The following CPD variants were observed in gnomAD, a reference collection of about 807,000 sequenced individuals.
CPD encodes metallocarboxypeptidase D.
In CPD, 69 loss-of-function variants were observed where a neutral mutation model predicts 138.3. The observed-to-expected ratio is 0.50, with a 90% CI of 0.41 to 0.61. The LOEUF (loss-of-function observed/expected upper bound fraction) is 0.61, where lower values mean the gene tolerates loss of function less well. Ranked by LOEUF, CPD falls within the 20% of genes least tolerant of loss-of-function variation. CPD has a pLI of 0.00. For synonymous variants in CPD, 651 were observed against 642.1 expected (o/e 1.01, Z -0.21); for missense variants, 1,432 against 1,733.3 (o/e 0.83, Z 3.09).
chr17:30,379,114 G>T lies in CPD; in HGVS notation c.134G>T (p.Ser45Ile), dbSNP rs1326661858. The T allele has an allele frequency of 6.5e-7, 1 of 1,544,904 alleles. No homozygotes were observed. Among genetic ancestry groups the T allele is most frequent in the Non-Finnish European group, 8.7e-7 (1 of 1,150,082 alleles). ...KKAEATTTTT[S>I]AGAEAAEGQF... ...GCGGAGGCGACTACCACAACTACGA[G>T]CGCGGGCGCCGAGGCGGCCGAGGGC... The change falls in exon 1 of 21, where the codon AGC (serine) becomes ATC (isoleucine). Residue 45 changes from serine (S) to isoleucine (I), a missense_variant. This residue lies in a region of CPD where 484 missense variants were observed against 477.2 expected (regional missense o/e 1.01). Transcript: ENST00000225719. The surrounding 1 kb of genome is among the most constrained non-coding windows in gnomAD (Gnocchi z 7.0).
chr17:30,455,287 C>A, intron 14 of CPD, 52 bp from the exon 15 acceptor site: 1 of 1,414,174 alleles, frequency 7.1e-7, no homozygotes, highest in Non-Finnish European at 9.7e-7. Flanking sequence ...CTTAGATACT[C>A]ATACTAAGAT....
chr17:30,424,285 C>T (rs892202817), intron 6 of CPD, among the ~76,000 whole-genome samples: 1 of 152,194 alleles, frequency 6.6e-6, no homozygotes, highest in Non-Finnish European at 1.5e-5. Context: ...ATGAAGCCTC[C>T]AGGTAGCAGG....
Position 30,380,415 on chromosome 17 carries a change from G to C in CPD, c.746+689G>C, listed in dbSNP as rs938499001. On this transcript the variant is annotated intron_variant, in intron 1 of 20. Coordinates refer to ENST00000225719, the MANE Select transcript of CPD (RefSeq NM_001304.5). ...CTCAGCTTAAGAAGATATGGACTTA[G>C]CTGGAGAACTTGCACAGATCTGTGA... 7 of 1,133,628 alleles carry C rather than the reference G, an allele frequency of 6.2e-6. No individual in the cohort carries two copies. In the African/African-American group the frequency reaches 1.1e-4, roughly 18 times the overall value. 70.2% of individuals were successfully genotyped at this position (1,133,628 alleles called of 1,614,324 possible).
At position 30,456,504 on chromosome 17, in the gene CPD, A is replaced by G. The variant is rs1433383013; in HGVS notation, c.3476A>G (p.His1159Arg). ...PGGVMRGAEW[H>R]SHLGSMKDYS... is the part of the protein sequence containing the mutation. The stretch of plus-strand genomic sequence containing the variant: ...GGAGTAATGCGTGGAGCAGAATGGC[A>G]TAGTCACCTGGGCAGCATGAAGGTA... Residue 1159 changes from histidine to arginine, a missense_variant, in exon 17 of 21, where the codon CAT becomes CGT. Physicochemically the swap from His to Arg is conservative, Grantham distance 29. Transcript: ENST00000225719. 6.2e-7 allele frequency: 1 copy of G among 1,614,140 alleles called. No individual in the cohort carries two copies. Among genetic ancestry groups the G allele is most frequent in the Non-Finnish European group, 8.5e-7 (1 of 1,179,982 alleles).
At chr17:30,457,610 A>G (rs1291281185) in intron 17 of CPD, among the ~76,000 whole-genome samples, 3 of 151,364 alleles carry the variant, frequency 2.0e-5, no homozygotes, top group South Asian at 4.1e-4. Context: ...CTTACCAGCA[A>G]TGTTTGAGGT....
chr17:30,463,879 C>G (rs1913558480), intron 20 of CPD, among the ~76,000 whole-genome samples: 1 of 152,138 alleles, frequency 6.6e-6, no homozygotes, highest in African/African-American at 2.4e-5. Context: ...CACCCATTAG[C>G]TATTGTGAAC....
chr17:30,417,512 A>G (rs1163392885), intron 2 of CPD, among the ~76,000 whole-genome samples: 2 of 152,084 alleles, frequency 1.3e-5, no homozygotes, highest in African/African-American at 2.4e-5. Context: ...AATTACTCTT[A>G]CAGACCTTAT....
intron 10 of CPD, 55 bp from the exon 11 acceptor site, chr17:30,443,747 A>G: frequency 3.4e-6 from 5 of 1,480,586 alleles, no homozygotes; most frequent in Middle Eastern, 1.8e-4. Flanking sequence ...ACCTCCCAAG[A>G]TAATTAGATG....
chr17:30,386,957 T>G (rs1231886906), intron 2 of CPD, among the ~76,000 whole-genome samples: 1 of 152,252 alleles, frequency 6.6e-6, no homozygotes, highest in Non-Finnish European at 1.5e-5. Flanking sequence ...TCAATTCGTC[T>G]GGATATATAC....
chr17:30,446,960 G>A (rs1913048158), intron 12 of CPD, among the ~76,000 whole-genome samples: 1 of 152,180 alleles, frequency 6.6e-6, no homozygotes, highest in African/African-American at 2.4e-5. Context: ...TCTTTTGGCT[G>A]CATAAATGTC....
At position 30,425,674 on chromosome 17, in the gene CPD, A is replaced by G. The variant is rs1376532113; in HGVS notation, c.1850-1717A>G. ...CTGTCTCAAAAAAAAAAAAAAAAAC[A>G]AATAGAGTTCCCCTCTGATCAGTAA... On this transcript the variant is annotated intron_variant, in intron 6 of 20. Transcript: ENST00000225719. Among the ~76,000 whole-genome samples the G allele has an allele frequency of 2.7e-5, 4 of 148,476 alleles. No homozygotes were observed. The East Asian group carries it at 7.9e-4, about 29-fold the overall frequency.
chr17:30,412,821 C>G (rs1178260476), intron 2 of CPD, among the ~76,000 whole-genome samples: 1 of 152,192 alleles, frequency 6.6e-6, no homozygotes. Context: ...AATCTCCCCA[C>G]CCCTTGCACT....
chr17:30,423,565 C>A lies in CPD; in HGVS notation c.1717C>A (p.Leu573Met), dbSNP rs772493836. The A allele has an allele frequency of 1.7e-5, 28 of 1,610,004 alleles. No homozygotes were observed. Among genetic ancestry groups the A allele is most frequent in the Non-Finnish European group, 2.3e-5 (27 of 1,178,426 alleles). ...TGGAAATGAAGTGGTTGGAAGAGAA[C>A]TGCTGTTGAACCTCATAGAATACCT... ...MHGNEVVGRE[L>M]LLNLIEYLCK... Residue 573 changes from leucine to methionine, a missense_variant, in exon 6 of 21, where the codon CTG (leucine) becomes ATG (methionine). This residue lies in a region of CPD where 297 missense variants were observed against 405.3 expected (regional missense o/e 0.73). Transcript: ENST00000225719.
rs1331241673 is a variant in CPD at position 30,465,155 on chromosome 17, T to C, written c.*341T>C. On this transcript the variant is annotated 3_prime_UTR_variant, in exon 21 of 21. Coordinates refer to ENST00000225719, the MANE Select transcript of CPD (RefSeq NM_001304.5). Reference sequence around the variant, plus strand: ...CACATCAGATGTTTACTAGTGGCTTTAGTATTTTTCTTTGTTTTAAATGGC... The same window carrying C: ...CACATCAGATGTTTACTAGTGGCTTCAGTATTTTTCTTTGTTTTAAATGGC... 1 of 206,200 alleles carries C rather than the reference T, an allele frequency of 4.8e-6. No homozygotes were observed. Among genetic ancestry groups the C allele is most frequent in the Non-Finnish European group, 9.9e-6 (1 of 101,396 alleles). The allele number at this position is 206,200 out of a possible 1,614,324, so 12.8% of individuals were successfully genotyped here. A position where few individuals can be genotyped will look rare whatever the true frequency, so the allele number is the denominator to read the frequency against.
intron 4 of CPD, 38 bp downstream of exon 4, chr17:30,421,871 TC>T: frequency 6.7e-7 from 1 of 1,481,896 alleles, no homozygotes; most frequent in East Asian, 2.3e-5. Context: ...AGTTAAAATG[TC>T]AAGTCTCTGT....
chr17:30,442,473 T>A (rs753883794), intron 10 of CPD, 23 bp downstream of exon 10: 4 of 1,603,238 alleles, frequency 2.5e-6, no homozygotes, highest in Admixed American at 1.7e-5. Flanking sequence ...GAGTGAAGTA[T>A]GAAATTTCTC....
At chr17:30,394,859 A>G (rs1310489828) in intron 2 of CPD, among the ~76,000 whole-genome samples, 1 of 151,282 alleles carries the variant, frequency 6.6e-6, no homozygotes, top group African/African-American at 2.4e-5. Flanking sequence ...AACTAATTGG[A>G]TGGTGGGGAT....
chr17:30,380,202 T>C (rs1022583208), intron 1 of CPD: 2 of 167,384 alleles, frequency 1.2e-5, no homozygotes, highest in Non-Finnish European at 1.3e-5. Flanking sequence ...TACGGGGAAA[T>C]TGAGGGTCAG....
chr17:30,391,896 C>T (rs1597706900), intron 2 of CPD, among the ~76,000 whole-genome samples: 2 of 151,900 alleles, frequency 1.3e-5, no homozygotes, highest in East Asian at 3.9e-4. Context: ...TTTTCTATTT[C>T]TAGCACACAC....
Sources: gnomAD v4.1 joint callset for allele counts (sites outside exome capture counted in the v4.1 genomes callset) on GRCh38, gnomAD v4.1.1 for gene constraint, gnomAD v4.1.1 regional missense constraint, Gnocchi (gnomAD v3.1) non-coding constraint, MANE v1.5 for transcripts, NCBI Gene and HGNC (gene_info 2026-07-23, HGNC 2026-07-21) for gene names.